Variants in ZNF700 observed in about 807,000 individuals in gnomAD.
ZNF700 encodes the protein zinc finger protein 700.
ZNF700 carries 38 observed loss-of-function variants against 65.3 expected under a neutral mutation model. The ratio of observed to expected loss-of-function variants is 0.58; its 90% CI spans 0.45 to 0.76. The LOEUF (loss-of-function observed/expected upper bound fraction) is 0.76. Ranked by LOEUF, ZNF700 falls within the 30% of genes least tolerant of loss-of-function variation. The pLI, the probability that ZNF700 is intolerant of heterozygous loss-of-function variation, is 0.00. For missense variants in ZNF700, 857 were observed against 888.4 expected (o/e 0.96, Z 0.45); for synonymous variants, 285 against 290.4 (o/e 0.98, Z 0.19).
chr19:11,949,350 A>C lies in ZNF700; in HGVS notation c.1326A>C (p.Gly442=). 1 of 1,613,806 alleles carries C rather than the reference A, an allele frequency of 6.2e-7. No homozygotes were observed. Among genetic ancestry groups the C allele is most frequent in the South Asian group, 1.1e-5 (1 of 91,062 alleles). ...QLRVHGGTHT[G]EKPYECKECG... ...GAGTGCACGGTGGGACTCACACTGG[A>C]GAGAAACCCTATGAATGTAAGGAAT... Residue 442 remains glycine (G), a synonymous_variant, in exon 4 of 4, where the codon GGA becomes GGC. Transcript: ENST00000254321.
At chr19:11,941,364 G>C (rs1233969332) in intron 1 of ZNF700, among the ~76,000 whole-genome samples, 1 of 152,234 alleles carries the variant, frequency 6.6e-6, no homozygotes, top group Non-Finnish European at 1.5e-5. Context: ...TCATCGGGGA[G>C]GCTCGGGCCG....
intron 1 of ZNF700, among the ~76,000 whole-genome samples, chr19:11,943,885 A>T (rs1303715161): frequency 2.6e-5 from 4 of 152,178 alleles, no homozygotes; most frequent in African/African-American, 9.7e-5. Flanking sequence ...TCCAGGTGTG[A>T]CAGGAGCAGG....
Position 11,949,148 on chromosome 19 carries a change from A to C in ZNF700, c.1124A>C (p.Lys375Thr), listed in dbSNP as rs1343726349. 2 of 1,612,346 alleles carry C rather than the reference A, an allele frequency of 1.2e-6. No individual in the cohort carries two copies. Among genetic ancestry groups the C allele is most frequent in the East Asian group, 2.2e-5 (1 of 44,794 alleles). ...TGTGGGAAAGGCTTTTATTCTGCCA[A>C]GTCATTTCAAACACATGAAAAAACT... Reference protein sequence around the residue: ...KICGKGFYSAKSFQTHEKTHT... With the variant: ...KICGKGFYSATSFQTHEKTHT... Residue 375 changes from lysine to threonine, a missense_variant, in exon 4 of 4, where the codon AAG (lysine) becomes ACG (threonine). Lys to Thr is a moderately conservative substitution (Grantham distance 78). Coordinates refer to ENST00000254321, the MANE Select transcript of ZNF700 (RefSeq NM_144566.3).
At chr19:11,933,776 C>T (rs998599936) in intron 1 of ZNF700, among the ~76,000 whole-genome samples, 4 of 143,906 alleles carry the variant, frequency 2.8e-5, no homozygotes, top group Non-Finnish European at 5.9e-5. Context: ...ACCCAGGAGG[C>T]GGAGCTTGCA....
intron 1 of ZNF700, among the ~76,000 whole-genome samples, chr19:11,933,279 G>GGAAA (rs1464234361): frequency 1.4e-5 from 2 of 147,806 alleles, no homozygotes; most frequent in Non-Finnish European, 2.9e-5. Context: ...TTTAAACCAA[G>GGAAA]GAAACCATAT....
At position 11,934,956 on chromosome 19, in the gene ZNF700, G is replaced by A. The variant is rs1333594524; in HGVS notation, c.63+9683G>A. Among the ~76,000 whole-genome samples the A allele has an allele frequency of 3.4e-5, 5 of 147,252 alleles. No homozygotes were observed. The East Asian group carries it at 6.1e-4, about 18-fold the overall frequency. ...AGCACTTTGGGAGGCCAAGGCGGGT[G>A]GATCAGGAGGTCAGATCAAGACCAT... On this transcript the variant is annotated intron_variant, in intron 1 of 3. Transcript: ENST00000254321.
Position 11,948,877 on chromosome 19 carries a change from A to G in ZNF700, c.853A>G (p.Lys285Glu). The part of the protein sequence containing the change: ...EKPYECSKCD[K>E]AFHSSSSYHR... Reference sequence around the variant, plus strand: ...GCCCTATGAATGTAGCAAATGTGATAAAGCATTTCATAGTTCTAGTTCCTA... The same window carrying G: ...GCCCTATGAATGTAGCAAATGTGATGAAGCATTTCATAGTTCTAGTTCCTA... Residue 285 changes from lysine (K) to glutamate (E), a missense_variant, in exon 4 of 4, where the codon AAA becomes GAA. Physicochemically the swap from Lys to Glu is moderately conservative, Grantham distance 56 (BLOSUM62 1). This residue lies in a region of ZNF700 where 603 missense variants were observed against 619.9 expected (regional missense o/e 0.97). Transcript: ENST00000254321. The G allele has an allele frequency of 1.9e-6, 3 of 1,603,604 alleles. No homozygotes were observed. Among genetic ancestry groups the G allele is most frequent in the Non-Finnish European group, 2.5e-6 (3 of 1,177,770 alleles).
Position 11,949,505 on chromosome 19 carries a change from G to GGA in ZNF700, c.1482_1483dup (p.Thr495ArgfsTer6), listed in dbSNP as rs1973024997. ...GTGAAGCACCTTCAAATTCATGAAA[G>GGA]GACAGAAAAACACATAAGAATGCCC... On this transcript the variant is annotated frameshift_variant, in exon 4 of 4. Coordinates refer to ENST00000254321, the MANE Select transcript of ZNF700 (RefSeq NM_144566.3). LOFTEE classifies it high-confidence loss of function. 1 of 1,611,844 alleles carries GGA rather than the reference G, an allele frequency of 6.2e-7. No homozygotes were observed. Among genetic ancestry groups the GGA allele is most frequent in the Non-Finnish European group, 8.5e-7 (1 of 1,179,640 alleles).
chr19:11,942,677 C>G (rs942335249), intron 1 of ZNF700, among the ~76,000 whole-genome samples: 1 of 152,138 alleles, frequency 6.6e-6, no homozygotes, highest in Non-Finnish European at 1.5e-5. Flanking sequence ...CTGCATGCAT[C>G]GGTAACAGGA....
At chr19:11,944,444 G>T (rs1386134795) in intron 1 of ZNF700, among the ~76,000 whole-genome samples, 1 of 152,140 alleles carries the variant, frequency 6.6e-6, no homozygotes, top group Non-Finnish European at 1.5e-5. Flanking sequence ...TTGGTAGGCA[G>T]CATGCAGTAT....
rs367631187 is a variant in ZNF700, at chr19:11,937,020, G to C, written c.64-10161G>C. On this transcript the variant is annotated intron_variant, in intron 1 of 3. Coordinates refer to ENST00000254321, the MANE Select transcript of ZNF700 (RefSeq NM_144566.3). ...TGTATATGTGTGGTGTTATTTCTGA[G>C]GCCTCTGTTATGTTCCATTGGTCTA... is the stretch of plus-strand genomic sequence containing the variant. Among the ~76,000 whole-genome samples the C allele has an allele frequency of 1.8e-4, 28 of 152,256 alleles. No homozygotes were observed. The East Asian group carries it at 3.9e-3, about 21-fold the overall frequency.
At position 11,950,135 on chromosome 19, in the gene ZNF700, A is replaced by T; in HGVS notation, c.2111A>T (p.Tyr704Phe). 6.2e-7 allele frequency: 1 copy of T among 1,614,068 alleles called. No individual in the cohort carries two copies. Among genetic ancestry groups the T allele is most frequent in the Non-Finnish European group, 8.5e-7 (1 of 1,180,032 alleles). Residue 704 changes from tyrosine to phenylalanine, a missense_variant, in exon 4 of 4, where the codon TAT becomes TTT. Physicochemically the swap from Tyr to Phe is conservative, Grantham distance 22. Transcript: ENST00000254321. Reference protein sequence around the residue: ...HARTHIGEKHYECKECGKAFN... With the variant: ...HARTHIGEKHFECKECGKAFN... ...AGAACACACATTGGAGAGAAACACTATGAATGTAAGGAATGCGGAAAAGCA... is the reference window on the plus strand; with the variant it reads ...AGAACACACATTGGAGAGAAACACTTTGAATGTAAGGAATGCGGAAAAGCA...
At chr19:11,934,650 C>T (rs532304992) in intron 1 of ZNF700, among the ~76,000 whole-genome samples, 2 of 147,638 alleles carry the variant, frequency 1.4e-5, no homozygotes, top group African/African-American at 5.3e-5. Context: ...ACTCAGCCTC[C>T]AGAGTGTCTG....
chr19:11,948,332 C>T lies in ZNF700; in HGVS notation c.308C>T (p.Thr103Ile), dbSNP rs776450924. Residue 103 changes from threonine (T) to isoleucine (I), a missense_variant, in exon 4 of 4, where the codon ACT (threonine) becomes ATT (isoleucine). Thr to Ile is a moderately conservative substitution (Grantham distance 89). Transcript: ENST00000254321. Reference protein sequence around the residue: ...EIKEDSHCGETFTQVPDDRLN... With the variant: ...EIKEDSHCGEIFTQVPDDRLN... ...AAAGAAGACAGTCATTGTGGAGAAA[C>T]TTTTACCCAGGTTCCAGATGACAGA... The T allele has an allele frequency of 6.2e-7, 1 of 1,613,864 alleles. No homozygotes were observed. Among genetic ancestry groups the T allele is most frequent in the East Asian group, 2.2e-5 (1 of 44,862 alleles).
chr19:11,947,361 C>T, intron 2 of ZNF700, 54 bp downstream of exon 2: 1 of 1,610,768 alleles, frequency 6.2e-7, no homozygotes. Flanking sequence ...GTGTTTCTAG[C>T]TCATGAATGC....
chr19:11,941,023 CAT>C (rs1484773957), intron 1 of ZNF700, among the ~76,000 whole-genome samples: 1 of 152,026 alleles, frequency 6.6e-6, no homozygotes, highest in Admixed American at 6.6e-5. Context: ...CTGAGCTAGA[CAT>C]AAAGGTTCTC....
chr19:11,949,227 T>G lies in ZNF700; in HGVS notation c.1203T>G (p.Leu401=), dbSNP rs1236227819. ...AGCAATGTGGTAAAGCCTTCAATCTTTCCAGTTCCTTTCGATATCATGAAA... is the reference window on the plus strand; with the variant it reads ...AGCAATGTGGTAAAGCCTTCAATCTGTCCAGTTCCTTTCGATATCATGAAA... The part of the protein sequence containing the change: ...KCKQCGKAFN[L]SSSFRYHERI... Residue 401 remains leucine (L), a synonymous_variant, in exon 4 of 4, where the codon CTT becomes CTG. Coordinates refer to ENST00000254321, the MANE Select transcript of ZNF700 (RefSeq NM_144566.3). The G allele has an allele frequency of 6.2e-7, 1 of 1,613,854 alleles. No homozygotes were observed. The highest frequency in any genetic ancestry group is 8.5e-7 in the Non-Finnish European group (1 of 1,179,936).
Position 11,933,846 on chromosome 19 carries a change from GAA to G in ZNF700, c.63+8590_63+8591del, listed in dbSNP as rs747851420. On this transcript the variant is annotated intron_variant, in intron 1 of 3. Transcript: ENST00000254321. ...GGTGACGGAGCAAGACTCCATCTCA[GAA>G]AAAAAAAAAAAAAAAATTTGTTTTT... 3.7e-4 allele frequency among the ~76,000 whole-genome samples: 39 copies of G among 106,602 alleles called. 2 individuals carry two copies. The highest frequency in any genetic ancestry group is 9.6e-4 in the African/African-American group (26 of 27,104). The allele number at this position is 106,602 out of a possible 152,430, so 69.9% of individuals were successfully genotyped here.
Position 11,936,508 on chromosome 19 carries a change from G to A in ZNF700, c.64-10673G>A, listed in dbSNP as rs538895123. ...CTTCTTTTGAGAAATGTCTGTTCAT[G>A]TCCTTTGCCCACTTTTTGATGGGGT... On this transcript the variant is annotated intron_variant, in intron 1 of 3. Transcript: ENST00000254321. 9.9e-5 allele frequency among the ~76,000 whole-genome samples: 15 copies of A among 152,266 alleles called. No homozygotes were observed. The South Asian group carries it at 2.1e-3, about 21-fold the overall frequency.
Sources: gnomAD v4.1 joint callset for allele counts (sites outside exome capture counted in the v4.1 genomes callset) on GRCh38, gnomAD v4.1.1 for gene constraint, gnomAD v4.1.1 regional missense constraint, MANE v1.5 for transcripts, NCBI Gene and HGNC (gene_info 2026-07-23, HGNC 2026-07-21) for gene names.